The following NSMCE2 variants were observed in gnomAD, a reference collection of about 807,000 sequenced individuals.
The protein encoded by NSMCE2 is E3 SUMO-protein ligase NSE2.
In NSMCE2, 24 loss-of-function variants were observed where a neutral mutation model predicts 23.8. That is an observed-to-expected ratio of 1.01 (90% CI 0.73 to 1.42). The LOEUF (loss-of-function observed/expected upper bound fraction) is 1.42. NSMCE2 is among the 40% of genes most tolerant of loss of function. The probability of loss-of-function intolerance (pLI) is 0.00; values close to 1 mark genes in which losing one functional copy is unlikely to be tolerated. For synonymous variants in NSMCE2, 92 were observed against 94.1 expected (o/e 0.98, Z 0.13); for missense variants, 284 against 296.5 (o/e 0.96, Z 0.31).
intron 1 of NSMCE2, among the ~76,000 whole-genome samples, chr8:125,100,842 T>G (rs1404400474): frequency 6.6e-6 from 1 of 152,222 alleles, no homozygotes; most frequent in African/African-American, 2.4e-5. Context: ...ATTACAGGTG[T>G]GAGCCATTGC....
chr8:125,365,718 A>G (rs1402743512), intron 7 of NSMCE2, among the ~76,000 whole-genome samples: 5 of 152,096 alleles, frequency 3.3e-5, no homozygotes, highest in African/African-American at 1.2e-4. Context: ...TTAGCCAGGC[A>G]TGGTGGCAGG....
chr8:125,300,182 T>A (rs908889773), intron 5 of NSMCE2, among the ~76,000 whole-genome samples: 2 of 151,452 alleles, frequency 1.3e-5, no homozygotes, highest in Admixed American at 1.3e-4. Context: ...TTTTTTTTTT[T>A]ATTTTGAGAC....
chr8:125,312,741 C>A (rs1829018621), intron 5 of NSMCE2, among the ~76,000 whole-genome samples: 1 of 152,162 alleles, frequency 6.6e-6, no homozygotes, highest in South Asian at 2.1e-4. Flanking sequence ...GGCAAGAGAT[C>A]TGTTTCAAGT....
intron 5 of NSMCE2, among the ~76,000 whole-genome samples, chr8:125,222,547 A>G (rs934704232): frequency 1.8e-4 from 27 of 152,050 alleles, no homozygotes; most frequent in African/African-American, 6.0e-4. Context: ...AACCTCTGGT[A>G]ACCACCATGC....
chr8:125,274,728 G>A (rs574345578), intron 5 of NSMCE2, among the ~76,000 whole-genome samples: 3 of 152,084 alleles, frequency 2.0e-5, no homozygotes, highest in Non-Finnish European at 2.9e-5. Flanking sequence ...TCAGCAGTTC[G>A]AGACCAGCCT....
chr8:125,106,857 G>A (rs983533044), intron 3 of NSMCE2, among the ~76,000 whole-genome samples: 1 of 150,284 alleles, frequency 6.7e-6, no homozygotes, highest in Non-Finnish European at 1.5e-5. Context: ...TTACCTGAGC[G>A]TGGTGGTGGG....
intron 5 of NSMCE2, among the ~76,000 whole-genome samples, chr8:125,188,345 T>C (rs2130819571): frequency 6.6e-6 from 1 of 152,312 alleles, no homozygotes; most frequent in Middle Eastern, 3.4e-3. Context: ...GAGGCCTAGG[T>C]ACAGTGTAGT....
At chr8:125,320,839 G>A (rs985737629) in intron 5 of NSMCE2, among the ~76,000 whole-genome samples, 3 of 152,176 alleles carry the variant, frequency 2.0e-5, no homozygotes, top group African/African-American at 4.8e-5. Flanking sequence ...CTAAAGCAGA[G>A]AGGTTTAATT....
intron 5 of NSMCE2, among the ~76,000 whole-genome samples, chr8:125,285,885 C>A (rs1191654979): frequency 6.6e-6 from 1 of 151,956 alleles, no homozygotes; most frequent in Admixed American, 6.6e-5. Flanking sequence ...GTTGAGTTGT[C>A]CAAGGTCACA....
At chr8:125,213,039 A>G (rs1824411776) in intron 5 of NSMCE2, among the ~76,000 whole-genome samples, 1 of 152,222 alleles carries the variant, frequency 6.6e-6, no homozygotes, top group Non-Finnish European at 1.5e-5. Context: ...ATTGAGCAGT[A>G]AATGATGATT....
intron 4 of NSMCE2, among the ~76,000 whole-genome samples, chr8:125,173,174 T>G (rs1822306559): frequency 6.6e-6 from 1 of 152,242 alleles, no homozygotes; most frequent in Non-Finnish European, 1.5e-5. Context: ...AGTTCAGAAT[T>G]GCTAGGTTGC....
intron 4 of NSMCE2, among the ~76,000 whole-genome samples, chr8:125,169,979 G>GACTTACTCTCCAC (rs1218085309): frequency 6.6e-6 from 1 of 151,004 alleles, no homozygotes; most frequent in African/African-American, 2.4e-5. Flanking sequence ...TCCACAGACT[G>GACTTACTCTCCAC]AGGCTAGCTC....
intron 3 of NSMCE2, among the ~76,000 whole-genome samples, chr8:125,135,157 A>G (rs1417511429): frequency 6.6e-6 from 1 of 152,072 alleles, no homozygotes; most frequent in Non-Finnish European, 1.5e-5. Context: ...AGCTCAAGTG[A>G]TCCACCTGCC....
At position 125,258,918 on chromosome 8, in the gene NSMCE2, T is replaced by C. The variant is rs73351251; in HGVS notation, c.418+76662T>C. ...GCTCACAGAGCTTTGTTTTCTGTTT[T>C]TGAGACAGAGTTTTGCTCTTGTTGC... On this transcript the variant is annotated intron_variant, in intron 5 of 7. Transcript: ENST00000287437. 1.2e-3 allele frequency among the ~76,000 whole-genome samples: 180 copies of C among 152,320 alleles called. 1 individual carries two copies. Among genetic ancestry groups the C allele is most frequent in the African/African-American group, 4.0e-3 (167 of 41,564 alleles).
chr8:125,210,255 T>A (rs1011138749), intron 5 of NSMCE2, among the ~76,000 whole-genome samples: 1 of 152,230 alleles, frequency 6.6e-6, no homozygotes, highest in South Asian at 2.1e-4. Context: ...TGGCACACAG[T>A]AAATGTTATG....
At chr8:125,228,664 G>C (rs1825198210) in intron 5 of NSMCE2, among the ~76,000 whole-genome samples, 1 of 152,192 alleles carries the variant, frequency 6.6e-6, no homozygotes, top group African/African-American at 2.4e-5. Flanking sequence ...TGAGAAAAGT[G>C]AATGTCCCAG....
At chr8:125,144,541 C>T (rs905333796) in intron 3 of NSMCE2, among the ~76,000 whole-genome samples, 1 of 152,144 alleles carries the variant, frequency 6.6e-6, no homozygotes, top group Non-Finnish European at 1.5e-5. Flanking sequence ...TACATAAGGA[C>T]CGTATTGCTA....
intron 4 of NSMCE2, among the ~76,000 whole-genome samples, chr8:125,178,752 C>A (rs1002750296): frequency 2.0e-5 from 3 of 152,102 alleles, no homozygotes; most frequent in Non-Finnish European, 4.4e-5. Flanking sequence ...CACCTGTAGT[C>A]CCAGCTACTT....
At chr8:125,362,877 G>A (rs1193117981) in intron 7 of NSMCE2, 1 of 152,204 alleles carries the variant, frequency 6.6e-6, no homozygotes, top group East Asian at 1.9e-4. Context: ...GTGTGGTTAA[G>A]TCCATCAGAC....
Sources: gnomAD v4.1 joint callset for allele counts (sites outside exome capture counted in the v4.1 genomes callset) on GRCh38, gnomAD v4.1.1 for gene constraint, MANE v1.5 for transcripts, NCBI Gene and HGNC (gene_info 2026-07-23, HGNC 2026-07-21) for gene names.